Variants in POFUT2 observed in about 807,000 individuals in gnomAD.
POFUT2 encodes protein O-fucosyltransferase 2.
A neutral mutation model predicts 55.0 loss-of-function variants in POFUT2; 30 were observed. The ratio of observed to expected loss-of-function variants is 0.55; its 90% CI spans 0.41 to 0.74. The LOEUF is 0.74. Ranked by LOEUF, POFUT2 falls within the 30% of genes least tolerant of loss-of-function variation. The pLI is 0.00. For missense variants in POFUT2, 524 were observed against 562.6 expected (o/e 0.93, Z 0.69); for synonymous variants, 267 against 231.1 (o/e 1.16, Z -1.41).
intron 6 of POFUT2, 72 bp downstream of exon 6, chr21:45,276,945 G>A (rs1223634852): frequency 2.6e-5 from 39 of 1,529,118 alleles, no homozygotes; most frequent in Non-Finnish European, 3.1e-5. Context: ...ACTTTACATG[G>A]AAGGCCTGAG....
Position 45,267,498 on chromosome 21 carries a change from C to A in POFUT2, c.1136+92G>T, listed in dbSNP as rs146867143. 3.1e-6 allele frequency: 5 copies of A among 1,614,024 alleles called. No individual in the cohort carries two copies. In the South Asian group the frequency reaches 4.4e-5, roughly 14 times the overall value. On this transcript the variant is annotated intron_variant, in intron 8 of 8. Coordinates refer to ENST00000349485, the MANE Select transcript of POFUT2 (RefSeq NM_133635.6). The surrounding 1 kb of genome is among the most constrained non-coding windows in gnomAD (Gnocchi z 4.4). ...TGGAAATGACCACTGTGAACACAGG[C>A]GACCATCTGCTCTGACACCGAGTAC...
chr21:45,267,334 C>T lies in POFUT2; in HGVS notation c.1136+256G>A, dbSNP rs1387512357. The stretch of plus-strand genomic sequence containing the variant: ...TGCGACACAAGAAGAGGTTCTGAGA[C>T]GAGGCCAGCTATGCCAACAGCCTGC... On this transcript the variant is annotated intron_variant, in intron 8 of 8. Transcript: ENST00000349485. This position sits in a 1 kb window ranked among gnomAD's most constrained non-coding sequence, Gnocchi z 4.4. The T allele has an allele frequency of 1.5e-5, 22 of 1,514,524 alleles. 1 individual carries two copies. Among genetic ancestry groups the T allele is most frequent in the Middle Eastern group, 2.0e-4 (1 of 5,010 alleles). 93.8% of individuals were successfully genotyped at this position (1,514,524 alleles called of 1,614,324 possible). A position where few individuals can be genotyped will look rare whatever the true frequency, so the allele number is the denominator to read the frequency against.
intron 4 of POFUT2, among the ~76,000 whole-genome samples, chr21:45,278,496 G>A (rs2030103611): frequency 6.6e-6 from 1 of 152,246 alleles, no homozygotes; most frequent in African/African-American, 2.4e-5. Context: ...ATGGCAAGCT[G>A]CAGGCGTGCC....
At chr21:45,280,842 C>T (rs1410436784) in intron 4 of POFUT2, among the ~76,000 whole-genome samples, 2 of 152,232 alleles carry the variant, frequency 1.3e-5, no homozygotes, top group African/African-American at 4.8e-5. Context: ...TGAGTTTCGT[C>T]TCCTGTATCC....
rs1399999952 is a variant in POFUT2 at position 45,270,397 on chromosome 21, T to A, written c.832-378A>T. 6.6e-6 allele frequency among the ~76,000 whole-genome samples: 1 copy of A among 151,844 alleles called. No homozygotes were observed. Among genetic ancestry groups the A allele is most frequent in the Non-Finnish European group, 1.5e-5 (1 of 67,996 alleles). ...GCTGCAAACTCCCCGGGAGCCAGAATGCTCTGCTGCCCTCTTGACAGTGCC... is the reference window on the plus strand; with the variant it reads ...GCTGCAAACTCCCCGGGAGCCAGAAAGCTCTGCTGCCCTCTTGACAGTGCC... On this transcript the variant is annotated intron_variant, in intron 6 of 8. Transcript: ENST00000349485. This position sits in a 1 kb window ranked among gnomAD's most constrained non-coding sequence, Gnocchi z 4.6.
rs375980197 is a variant in POFUT2 at position 45,265,683 on chromosome 21, A to G, written c.1137-48T>C. 229 of 904,738 alleles carry G rather than the reference A, an allele frequency of 2.5e-4. 2 individuals are homozygous for G. Among genetic ancestry groups the G allele is most frequent in the Non-Finnish European group, 3.2e-4 (217 of 687,686 alleles). The allele number at this position is 904,738 out of a possible 1,614,324, so 56.0% of individuals were successfully genotyped here. A position where few individuals can be genotyped will look rare whatever the true frequency, so the allele number is the denominator to read the frequency against. On this transcript the variant is annotated intron_variant, in intron 8 of 8. Coordinates refer to ENST00000349485, the MANE Select transcript of POFUT2 (RefSeq NM_133635.6). The surrounding 1 kb of genome is among the most constrained non-coding windows in gnomAD (Gnocchi z 4.6). ...CAGAGTCAGGGAGAACTGGCGTCAC[A>G]GAGGTTCCAGAGTCAGGGAGAACTG...
chr21:45,273,670 C>T (rs1470931571), intron 6 of POFUT2, among the ~76,000 whole-genome samples: 1 of 152,188 alleles, frequency 6.6e-6, no homozygotes, highest in African/African-American at 2.4e-5. Context: ...ATATCCAAGT[C>T]AACAAATGTG....
At chr21:45,286,182 T>C (rs2031386295) in intron 1 of POFUT2, among the ~76,000 whole-genome samples, 2 of 152,224 alleles carry the variant, frequency 1.3e-5, no homozygotes, top group African/African-American at 2.4e-5. Flanking sequence ...TCCCAGTGAC[T>C]GGAACCCAAG....
intron 8 of POFUT2, chr21:45,266,351 G>A: frequency 7.6e-7 from 1 of 1,323,626 alleles, no homozygotes; most frequent in African/African-American, 1.5e-5. Flanking sequence ...TGCAGCACTG[G>A]TGGGGAGACC....
chr21:45,279,022 G>A (rs1456067652), intron 4 of POFUT2, among the ~76,000 whole-genome samples: 3 of 152,182 alleles, frequency 2.0e-5, no homozygotes, highest in Admixed American at 6.5e-5. Context: ...AAAATGGACC[G>A]TGAGCAAATA....
chr21:45,277,139 G>C lies in POFUT2; in HGVS notation c.709C>G (p.Arg237Gly). 6.2e-7 allele frequency: 1 copy of C among 1,613,158 alleles called. No homozygotes were observed. The highest frequency in any genetic ancestry group is 1.1e-5 in the South Asian group (1 of 91,074). Residue 237 changes from arginine (R) to glycine (G), a missense_variant, in exon 6 of 9, where the codon CGT becomes GGT. By Grantham distance (125) the Arg-to-Gly change is moderately radical. Coordinates refer to ENST00000349485, the MANE Select transcript of POFUT2 (RefSeq NM_133635.6). This position sits in a 1 kb window ranked among gnomAD's most constrained non-coding sequence, Gnocchi z 6.9. ...TGCCTGGCAAACACCATGCTGCGAC[G>C]GGTCTGTGGAAACGGCGACGGCTCG... ...HYGGKEYWDT[R>G]RSMVFARHLR...
At position 45,270,900 on chromosome 21, in the gene POFUT2, C is replaced by T. The variant is rs1398249174; in HGVS notation, c.832-881G>A. Among the ~76,000 whole-genome samples the T allele has an allele frequency of 6.6e-6, 1 of 152,274 alleles. No individual in the cohort carries two copies. The highest frequency in any genetic ancestry group is 1.5e-5 in the Non-Finnish European group (1 of 68,030). On this transcript the variant is annotated intron_variant, in intron 6 of 8. Coordinates refer to ENST00000349485, the MANE Select transcript of POFUT2 (RefSeq NM_133635.6). This position sits in a 1 kb window ranked among gnomAD's most constrained non-coding sequence, Gnocchi z 4.6. Reference sequence around the variant, plus strand: ...GGATAAAAGAATCTGAACAGTAGCCCGTGAGTTCCAGATCTTTCCACTGAA... The same window carrying T: ...GGATAAAAGAATCTGAACAGTAGCCTGTGAGTTCCAGATCTTTCCACTGAA...
At chr21:45,268,025 G>A (rs1184967911) in intron 7 of POFUT2, among the ~76,000 whole-genome samples, 2 of 152,066 alleles carry the variant, frequency 1.3e-5, no homozygotes, top group Admixed American at 1.3e-4. Context: ...CTCTTTCCAC[G>A]GTCTCCCTCT....
chr21:45,276,172 G>T (rs897865693), intron 6 of POFUT2, among the ~76,000 whole-genome samples: 1 of 151,980 alleles, frequency 6.6e-6, no homozygotes, highest in South Asian at 2.1e-4. Context: ...CTGGGCGACA[G>T]AGTGAGACTC....
chr21:45,282,692 C>G lies in POFUT2; in HGVS notation c.528-233G>C, dbSNP rs981683994. 1.1e-5 allele frequency: 6 copies of G among 557,690 alleles called. No individual in the cohort carries two copies. The highest frequency in any genetic ancestry group is 2.0e-5 in the Non-Finnish European group (6 of 300,944). 34.5% of individuals were successfully genotyped at this position (557,690 alleles called of 1,614,324 possible). ...AGGCTTTCCCCATGATAGGGGCTGG[C>G]GGGATGGCCGGGGAGGCAGAGGGAG... On this transcript the variant is annotated intron_variant, in intron 3 of 8. Transcript: ENST00000349485. The surrounding 1 kb of genome is among the most constrained non-coding windows in gnomAD (Gnocchi z 4.6).
intron 4 of POFUT2, among the ~76,000 whole-genome samples, chr21:45,278,684 C>T (rs1375564162): frequency 6.6e-6 from 1 of 152,254 alleles, no homozygotes; most frequent in Non-Finnish European, 1.5e-5. Flanking sequence ...TACTGCAACC[C>T]TTGTCCGGTG....
At chr21:45,266,236 A>C (rs778952132) in intron 8 of POFUT2, 5 of 1,367,464 alleles carry the variant, frequency 3.7e-6, no homozygotes, top group Non-Finnish European at 4.9e-6. Context: ...AACTTCGTGA[A>C]CAAGCAAACC....
At chr21:45,278,061 A>G in intron 5 of POFUT2, 42 bp downstream of exon 5, 3 of 1,416,874 alleles carry the variant, frequency 2.1e-6, no homozygotes, top group Non-Finnish European at 3.0e-6. Flanking sequence ...ATAATGGGCA[A>G]CATACACTAA....
At position 45,282,616 on chromosome 21, in the gene POFUT2, G is replaced by A. The variant is rs2030822842; in HGVS notation, c.528-157C>T. On this transcript the variant is annotated intron_variant, in intron 3 of 8. Coordinates refer to ENST00000349485, the MANE Select transcript of POFUT2 (RefSeq NM_133635.6). The surrounding 1 kb of genome is among the most constrained non-coding windows in gnomAD (Gnocchi z 4.6). ...CGTGACTGCAGATCGTGACATTCTAGTAAAATTTTAAAAGAAGCCCATGAG... is the reference window on the plus strand; with the variant it reads ...CGTGACTGCAGATCGTGACATTCTAATAAAATTTTAAAAGAAGCCCATGAG... 6.6e-6 allele frequency among the ~76,000 whole-genome samples: 1 copy of A among 152,214 alleles called. No homozygotes were observed. The highest frequency in any genetic ancestry group is 1.5e-5 in the Non-Finnish European group (1 of 68,034).
Sources: gnomAD v4.1 joint callset for allele counts (sites outside exome capture counted in the v4.1 genomes callset) on GRCh38, gnomAD v4.1.1 for gene constraint, Gnocchi (gnomAD v3.1) non-coding constraint, MANE v1.5 for transcripts, NCBI Gene and HGNC (gene_info 2026-07-23, HGNC 2026-07-21) for gene names.